The following NARS2 variants were observed in gnomAD, a reference collection of about 807,000 sequenced individuals.
NARS2 encodes the protein asparaginyl-tRNA synthetase 2, mitochondrial, also known as asparaginyl-tRNA synthetase.
NARS2 carries 60 observed loss-of-function variants against 62.9 expected under a neutral mutation model. The observed-to-expected ratio is 0.95, with a 90% CI of 0.77 to 1.18. NARS2 has a LOEUF of 1.18. Ranked by LOEUF, NARS2 falls within the 50% of genes most tolerant of loss-of-function variation. The pLI is 0.00. For synonymous variants in NARS2, 196 were observed against 200.0 expected, an observed-to-expected ratio of 0.98 and a Z score of 0.17; for missense variants, 619 against 576.4, an observed-to-expected ratio of 1.07 and a Z score of -0.76.
chr11:78,461,025 T>C (rs757790101), intron 11 of NARS2, among the ~76,000 whole-genome samples: 1 of 152,178 alleles, frequency 6.6e-6, no homozygotes, highest in African/African-American at 2.4e-5. Flanking sequence ...AGGATGTGCA[T>C]AGGTGATACG....
chr11:78,557,055 T>A (rs1856379696), intron 5 of NARS2, among the ~76,000 whole-genome samples: 1 of 152,154 alleles, frequency 6.6e-6, no homozygotes, highest in African/African-American at 2.4e-5. Context: ...CTTCTTACAA[T>A]GTATTCAGTA....
chr11:78,513,963 T>C (rs1483286832), intron 6 of NARS2, among the ~76,000 whole-genome samples: 2 of 152,114 alleles, frequency 1.3e-5, no homozygotes, highest in Non-Finnish European at 2.9e-5. Context: ...CACACACACT[T>C]GCTCCCATTC....
chr11:78,502,499 A>C (rs1860317943), intron 6 of NARS2, among the ~76,000 whole-genome samples: 1 of 152,162 alleles, frequency 6.6e-6, no homozygotes, highest in African/African-American at 2.4e-5. Flanking sequence ...ATACAATCAC[A>C]TAGGGGTTAG....
intron 6 of NARS2, among the ~76,000 whole-genome samples, chr11:78,506,938 T>G (rs1444401161): frequency 6.6e-6 from 1 of 152,172 alleles, no homozygotes; most frequent in African/African-American, 2.4e-5. Context: ...CAATTTCAGC[T>G]CTTAGCACAG....
intron 6 of NARS2, among the ~76,000 whole-genome samples, chr11:78,511,467 C>T (rs1028011945): frequency 6.6e-6 from 1 of 152,112 alleles, no homozygotes; most frequent in African/African-American, 2.4e-5. Flanking sequence ...CCTGTAATCC[C>T]AGCACTTTGG....
chr11:78,528,840 A>C lies in NARS2; in HGVS notation c.689+2T>G. ...AGCAAAAGAGAAAGGAAAATTTCAT[A>C]CCCTGACATCACTTCTAGATGAAGT... is the stretch of plus-strand genomic sequence containing the variant. On this transcript the variant is annotated splice_donor_variant, in intron 6 of 13. Coordinates refer to ENST00000281038, the MANE Select transcript of NARS2 (RefSeq NM_024678.6). LOFTEE classifies it high-confidence loss of function. The C allele has an allele frequency of 1.3e-6, 2 of 1,598,204 alleles. No homozygotes were observed. Among genetic ancestry groups the C allele is most frequent in the Non-Finnish European group, 1.7e-6 (2 of 1,166,816 alleles).
chr11:78,470,080 C>A (rs905919336), intron 9 of NARS2, among the ~76,000 whole-genome samples: 8 of 152,042 alleles, frequency 5.3e-5, no homozygotes, highest in Admixed American at 2.6e-4. Flanking sequence ...GTGACTAGAG[C>A]ATACTGAACA....
intron 3 of NARS2, 125 bp from the exon 4 acceptor site, chr11:78,566,397 T>A: frequency 2.8e-6 from 2 of 708,918 alleles, no homozygotes; most frequent in Admixed American, 3.5e-5. Context: ...CTTTATTTCT[T>A]AATATAACTG....
At chr11:78,493,010 C>T in intron 7 of NARS2, 53 bp downstream of exon 7, 1 of 1,461,516 alleles carries the variant, frequency 6.8e-7, no homozygotes, top group South Asian at 1.2e-5. Flanking sequence ...AAAATATATA[C>T]AGAAACATTT....
chr11:78,502,273 G>A (rs551184905), intron 6 of NARS2, among the ~76,000 whole-genome samples: 14 of 152,150 alleles, frequency 9.2e-5, no homozygotes, highest in South Asian at 4.1e-4. Flanking sequence ...TCTAGAGGCC[G>A]GAAATCCAAG....
chr11:78,498,895 T>C (rs1409862831), intron 6 of NARS2, among the ~76,000 whole-genome samples: 11 of 104,912 alleles, frequency 1.0e-4, no homozygotes, highest in Admixed American at 7.5e-4. Context: ...TCAGTCTTTT[T>C]TTTTTTTTTT....
intron 6 of NARS2, among the ~76,000 whole-genome samples, chr11:78,511,925 T>C (rs905519710): frequency 1.3e-5 from 2 of 152,032 alleles, no homozygotes; most frequent in Non-Finnish European, 2.9e-5. Context: ...AATAAACTGG[T>C]TTATTCTGCT....
chr11:78,540,857 A>G (rs775427569), intron 5 of NARS2, among the ~76,000 whole-genome samples: 1 of 152,216 alleles, frequency 6.6e-6, no homozygotes, highest in East Asian at 1.9e-4. Context: ...ATAGTAAAGA[A>G]TAAAAAAATC....
intron 6 of NARS2, among the ~76,000 whole-genome samples, chr11:78,496,274 A>G (rs1386646228): frequency 1.3e-5 from 2 of 152,180 alleles, no homozygotes; most frequent in Non-Finnish European, 2.9e-5. Flanking sequence ...CAAGTGTTCT[A>G]TTATAAGTAA....
chr11:78,492,265 T>C (rs191023628), intron 7 of NARS2, among the ~76,000 whole-genome samples: 142 of 152,264 alleles, frequency 9.3e-4, no homozygotes, highest in African/African-American at 3.3e-3. Flanking sequence ...GTTGGTCACA[T>C]AGCATGTGAG....
At chr11:78,467,996 AC>A (rs1249321879) in intron 10 of NARS2, among the ~76,000 whole-genome samples, 2 of 149,994 alleles carry the variant, frequency 1.3e-5, no homozygotes, top group African/African-American at 4.9e-5. Context: ...GGTGTGAACT[AC>A]CACACCCGGC....
At chr11:78,503,627 C>T (rs10128743) in intron 6 of NARS2, among the ~76,000 whole-genome samples, 44,715 of 152,064 alleles carry the variant, frequency 0.29, 8,031 homozygotes, top group African/African-American at 0.5. Context: ...AAAGGGTACA[C>T]TTGCAGAGGC....
intron 6 of NARS2, among the ~76,000 whole-genome samples, chr11:78,494,459 TTTTC>T (rs201098829): frequency 0.018 from 1,762 of 98,774 alleles, 23 homozygotes; most frequent in African/African-American, 0.054. Context: ...TATATAAGTT[TTTTC>T]TTTTTCTTTT....
At chr11:78,534,731 T>C (rs1354455893) in intron 5 of NARS2, among the ~76,000 whole-genome samples, 2 of 152,198 alleles carry the variant, frequency 1.3e-5, no homozygotes, top group Admixed American at 6.5e-5. Flanking sequence ...TCTAGCCTAT[T>C]ACCTGGGAAT....
Sources: allele counts gnomAD v4.1 joint callset (sites outside exome capture counted in the v4.1 genomes callset), GRCh38; gene constraint gnomAD v4.1.1; transcripts MANE v1.5; gene names NCBI Gene and HGNC (gene_info 2026-07-23, HGNC 2026-07-21).